ELMO1: variants seen among roughly 807,000 people sequenced by gnomAD.
ELMO1 encodes engulfment and cell motility protein 1.
A neutral mutation model predicts 98.9 loss-of-function variants in ELMO1; 26 were observed. The ratio of observed to expected loss-of-function variants is 0.26; its 90% CI spans 0.19 to 0.36. ELMO1 has a LOEUF of 0.36. ELMO1 is among the 10% of genes least tolerant of loss of function. The pLI, the probability that ELMO1 is intolerant of heterozygous loss-of-function variation, is 1.00. For synonymous variants in ELMO1, 346 were observed against 346.0 expected, an observed-to-expected ratio of 1.00 and a Z score of 0.00; for missense variants, 627 against 935.2, an observed-to-expected ratio of 0.67 and a Z score of 4.30.
chr7:37,201,987 C>G (rs1038644783), intron 13 of ELMO1, among the ~76,000 whole-genome samples: 1 of 152,204 alleles, frequency 6.6e-6, no homozygotes, highest in African/African-American at 2.4e-5. Context: ...CCCAGGTAAT[C>G]CCTTTACCCA....
At chr7:37,171,776 G>C (rs963662796) in intron 13 of ELMO1, among the ~76,000 whole-genome samples, 13 of 152,056 alleles carry the variant, frequency 8.5e-5, no homozygotes, top group South Asian at 8.3e-4. Flanking sequence ...ACAGGCGTGA[G>C]CCACCACGCC....
intron 1 of ELMO1, among the ~76,000 whole-genome samples, chr7:37,350,819 G>A (rs896387384): frequency 1.3e-5 from 2 of 152,220 alleles, no homozygotes; most frequent in African/African-American, 4.8e-5. Context: ...ATCCTTTTAA[G>A]AGGAGGAAAT....
At chr7:36,949,752 T>A (rs1019415247) in intron 16 of ELMO1, among the ~76,000 whole-genome samples, 5 of 152,036 alleles carry the variant, frequency 3.3e-5, no homozygotes, top group Non-Finnish European at 7.4e-5. Context: ...GTAGAATGTT[T>A]AGCAGCATAT....
chr7:37,082,276 A>G (rs562748634), intron 15 of ELMO1, among the ~76,000 whole-genome samples: 2 of 152,202 alleles, frequency 1.3e-5, no homozygotes, highest in African/African-American at 4.8e-5. Context: ...TCAGTTGGGC[A>G]GAAAATGATG....
At chr7:37,092,626 T>C (rs1015961308) in intron 15 of ELMO1, among the ~76,000 whole-genome samples, 3 of 152,084 alleles carry the variant, frequency 2.0e-5, no homozygotes, top group Non-Finnish European at 4.4e-5. Flanking sequence ...CAGCCCACCT[T>C]GGCCTCCCAA....
chr7:37,114,179 A>C (rs1282860108), intron 14 of ELMO1, among the ~76,000 whole-genome samples: 4 of 152,214 alleles, frequency 2.6e-5, no homozygotes, highest in African/African-American at 9.7e-5. Context: ...TACTGGAAGA[A>C]TCACTATGGC....
At chr7:36,857,895 T>C (rs967584219) in intron 21 of ELMO1, among the ~76,000 whole-genome samples, 3 of 152,190 alleles carry the variant, frequency 2.0e-5, no homozygotes, top group Admixed American at 6.5e-5. Flanking sequence ...CACTCCATCA[T>C]ACCAGAATGC....
In ELMO1 at chr7:36,858,440, C is replaced by T. The variant is rs75069643; in HGVS notation, c.1984-2689G>A. On this transcript the variant is annotated intron_variant, in intron 21 of 21. Coordinates refer to ENST00000310758, the MANE Select transcript of ELMO1 (RefSeq NM_014800.11). ...ACAATTCACAAGACATACAGGGGAC[C>T]GATGAATATATGAATTATATTGCAG... 7.4e-3 allele frequency among the ~76,000 whole-genome samples: 1,123 copies of T among 152,136 alleles called. 14 individuals carry two copies. The highest frequency in any genetic ancestry group is 0.025 in the African/African-American group (1,058 of 41,510).
intron 16 of ELMO1, among the ~76,000 whole-genome samples, chr7:36,995,900 G>A (rs1218014173): frequency 6.6e-6 from 1 of 152,124 alleles, no homozygotes; most frequent in East Asian, 1.9e-4. Context: ...AAAGGATGAT[G>A]AGCCAAAGGA....
intron 1 of ELMO1, among the ~76,000 whole-genome samples, chr7:37,416,514 G>A (rs1255315620): frequency 1.3e-5 from 2 of 152,120 alleles, no homozygotes; most frequent in African/African-American, 4.8e-5. Context: ...CCATGCACAC[G>A]CACAGACCAC....
chr7:37,216,749 G>A (rs1265645620), intron 10 of ELMO1, 54 bp from the exon 11 acceptor site: 80 of 1,601,516 alleles, frequency 5.0e-5, no homozygotes, highest in East Asian at 8.9e-5. Context: ...GCTACATTTC[G>A]ACATGGCCAA....
At chr7:37,245,248 G>T (rs566606979) in intron 6 of ELMO1, among the ~76,000 whole-genome samples, 2 of 152,132 alleles carry the variant, frequency 1.3e-5, no homozygotes, top group African/African-American at 4.8e-5. Flanking sequence ...CAGGCCACAG[G>T]CCCTGAGGAC....
intron 13 of ELMO1, among the ~76,000 whole-genome samples, chr7:37,190,636 T>G (rs1417115023): frequency 3.3e-5 from 5 of 152,082 alleles, no homozygotes; most frequent in Non-Finnish European, 7.4e-5. Context: ...TAGCTGGGAT[T>G]ACGGGCACCC....
At chr7:37,445,518 G>T (rs909301034) in intron 1 of ELMO1, among the ~76,000 whole-genome samples, 6 of 152,098 alleles carry the variant, frequency 3.9e-5, no homozygotes, top group Non-Finnish European at 8.8e-5. Flanking sequence ...TGAGCTCCTT[G>T]CCTCACCCCC....
intron 17 of ELMO1, among the ~76,000 whole-genome samples, chr7:36,887,969 C>T (rs1456278877): frequency 1.3e-5 from 2 of 152,292 alleles, no homozygotes; most frequent in Middle Eastern, 3.4e-3. Context: ...TACAAAGCCA[C>T]GGATACAAAG....
intron 13 of ELMO1, among the ~76,000 whole-genome samples, chr7:37,174,828 G>A (rs754608875): frequency 1.7e-4 from 26 of 152,132 alleles, no homozygotes; most frequent in Non-Finnish European, 3.2e-4. Context: ...ACACTGAGCC[G>A]TCACCTTTAA....
intron 4 of ELMO1, among the ~76,000 whole-genome samples, chr7:37,300,977 T>TC (rs1315675479): frequency 6.6e-6 from 1 of 152,050 alleles, no homozygotes; most frequent in East Asian, 1.9e-4. Flanking sequence ...AGATTCAACT[T>TC]CTTCCTGGTT....
intron 16 of ELMO1, among the ~76,000 whole-genome samples, chr7:36,963,865 T>C (rs1266201862): frequency 6.6e-6 from 1 of 152,192 alleles, no homozygotes; most frequent in East Asian, 1.9e-4. Flanking sequence ...ACAGAAAAGC[T>C]ATAAACCTGA....
intron 13 of ELMO1, among the ~76,000 whole-genome samples, chr7:37,198,832 A>G (rs544729996): frequency 6.6e-6 from 1 of 152,352 alleles, no homozygotes; most frequent in South Asian, 2.1e-4. Flanking sequence ...CTTCCGCCAC[A>G]GCCAGGGGAC....
Sources: gnomAD v4.1 joint callset for allele counts (sites outside exome capture counted in the v4.1 genomes callset) on GRCh38, gnomAD v4.1.1 for gene constraint, MANE v1.5 for transcripts, NCBI Gene and HGNC (gene_info 2026-07-23, HGNC 2026-07-21) for gene names.